The following IGSF5 variants were observed in gnomAD, a reference collection of about 807,000 sequenced individuals.
IGSF5 encodes the protein immunoglobulin superfamily 5 like.
Under a neutral mutation model 39.4 loss-of-function variants are expected in IGSF5, and 41 were observed. That is an observed-to-expected ratio of 1.04 (90% CI 0.81 to 1.35). IGSF5 has a LOEUF of 1.35. Among genes scored for constraint, IGSF5 ranks in the 40% most tolerant of loss-of-function variants. IGSF5 has a pLI of 0.00. For synonymous variants in IGSF5, 183 were observed against 175.3 expected (o/e 1.04, Z -0.34); for missense variants, 487 against 494.6 (o/e 0.98, Z 0.15).
intron 5 of IGSF5, among the ~76,000 whole-genome samples, chr21:39,783,695 T>C (rs1017708337): frequency 1.3e-5 from 2 of 152,252 alleles, no homozygotes; most frequent in African/African-American, 4.8e-5. Flanking sequence ...TGATTGTTTC[T>C]TTTGCTGTGC....
intron 4 of IGSF5, among the ~76,000 whole-genome samples, chr21:39,776,763 G>A (rs1345088890): frequency 6.6e-6 from 1 of 152,226 alleles, no homozygotes; most frequent in Non-Finnish European, 1.5e-5. Flanking sequence ...GGGAAGGAAA[G>A]TACTGATAGA....
intron 1 of IGSF5, 95 bp downstream of exon 1, chr21:39,745,621 C>T: frequency 1.5e-6 from 1 of 688,778 alleles, no homozygotes; most frequent in Non-Finnish European, 2.7e-6. Flanking sequence ...CGACAGCTTT[C>T]TGCCTCTAGT....
At chr21:39,784,333 T>A (rs546814181) in intron 5 of IGSF5, among the ~76,000 whole-genome samples, 1 of 152,310 alleles carries the variant, frequency 6.6e-6, no homozygotes, top group East Asian at 1.9e-4. Context: ...GTGGAGTAGT[T>A]GGAGAAATTC....
At chr21:39,752,824 T>G (rs2080012074) in intron 2 of IGSF5, among the ~76,000 whole-genome samples, 2 of 152,242 alleles carry the variant, frequency 1.3e-5, no homozygotes, top group Admixed American at 1.3e-4. Context: ...TCATGTTCTT[T>G]GCCCACTTTT....
intron 5 of IGSF5, among the ~76,000 whole-genome samples, chr21:39,784,175 C>T (rs2080185292): frequency 6.6e-6 from 1 of 152,150 alleles, no homozygotes; most frequent in South Asian, 2.1e-4. Flanking sequence ...TTGTTTTTAC[C>T]TGGGAATTAT....
chr21:39,737,700 C>G, the IGSF5 span, among the ~76,000 whole-genome samples: 1 of 152,228 alleles, frequency 6.6e-6, no homozygotes. Context: ...CCAGGAACCT[C>G]CATGTGTTCC....
chr21:39,800,982 A>G (rs367557715), intron 8 of IGSF5, among the ~76,000 whole-genome samples: 1 of 152,276 alleles, frequency 6.6e-6, no homozygotes, highest in East Asian at 1.9e-4. Context: ...TCCTTAGGAA[A>G]ATTGAAACAC....
chr21:39,732,927 G>A, the IGSF5 span, among the ~76,000 whole-genome samples: 68 of 152,174 alleles, frequency 4.5e-4, no homozygotes, highest in African/African-American at 1.6e-3. Context: ...TTGGGAGGGT[G>A]AGGTGGGAGG....
chr21:39,781,876 T>C (rs56955296), intron 5 of IGSF5, among the ~76,000 whole-genome samples: 13,329 of 152,240 alleles, frequency 0.088, 634 homozygotes, highest in South Asian at 0.16. Flanking sequence ...ATTCTTTTGA[T>C]GTTAGGACCG....
intron 5 of IGSF5, among the ~76,000 whole-genome samples, chr21:39,782,524 C>A (rs1005252732): frequency 6.6e-6 from 1 of 152,118 alleles, no homozygotes; most frequent in Admixed American, 6.5e-5. Flanking sequence ...ATTCCCGCTT[C>A]CCCCCAGTCC....
At chr21:39,800,376 C>A (rs957138923) in intron 8 of IGSF5, among the ~76,000 whole-genome samples, 1 of 151,280 alleles carries the variant, frequency 6.6e-6, no homozygotes, top group Admixed American at 6.6e-5. Context: ...AACAGAAATA[C>A]ATACTTGATA....
the IGSF5 span, among the ~76,000 whole-genome samples, chr21:39,722,223 G>T: frequency 5.3e-5 from 8 of 152,202 alleles, no homozygotes; most frequent in African/African-American, 1.7e-4. Context: ...AAGAGACAAA[G>T]GGAAGAGCAC....
intron 4 of IGSF5, among the ~76,000 whole-genome samples, chr21:39,771,479 C>T (rs2080114760): frequency 6.6e-6 from 1 of 152,106 alleles, no homozygotes; most frequent in African/African-American, 2.4e-5. Context: ...CATCAAAGAG[C>T]ATCAAGTTTG....
At chr21:39,749,334 T>C (rs1232701336) in intron 2 of IGSF5, among the ~76,000 whole-genome samples, 3 of 151,630 alleles carry the variant, frequency 2.0e-5, no homozygotes, top group Non-Finnish European at 4.4e-5. Flanking sequence ...TGCCTCAGCC[T>C]CCCGAGTAGC....
chr21:39,776,523 T>C (rs2080141860), intron 4 of IGSF5, among the ~76,000 whole-genome samples: 2 of 152,178 alleles, frequency 1.3e-5, no homozygotes, highest in African/African-American at 4.8e-5. Flanking sequence ...ACTTTGTGGT[T>C]AAATTAAGGG....
the IGSF5 span, among the ~76,000 whole-genome samples, chr21:39,726,397 G>A: frequency 6.6e-6 from 1 of 152,198 alleles, no homozygotes; most frequent in African/African-American, 2.4e-5. Flanking sequence ...TGGATGGGCT[G>A]CTTGGAGTGC....
the IGSF5 span, among the ~76,000 whole-genome samples, chr21:39,724,460 TC>T: frequency 1.3e-5 from 2 of 151,684 alleles, no homozygotes; most frequent in African/African-American, 4.9e-5. Flanking sequence ...ATGGGGGAGG[TC>T]TTTCCTGTGC....
chr21:39,771,169 C>T lies in IGSF5; in HGVS notation c.672C>T (p.Ala224=). 6.2e-7 allele frequency: 1 copy of T among 1,600,624 alleles called. No individual in the cohort carries two copies. Among genetic ancestry groups the T allele is most frequent in the Non-Finnish European group, 8.5e-7 (1 of 1,171,858 alleles). The part of the protein sequence containing the change: ...TCVATWKSLK[A]RKSATVNLTV... ...TGGCTACCTGGAAGAGCCTGAAGGC[C>T]CGCAAGTCTGCAACTGTAAATCTCA... The change falls in exon 4 of 9, where the codon GCC becomes GCT. Residue 224 remains alanine, a synonymous_variant. Transcript: ENST00000380588.
chr21:39,732,942 C>G, the IGSF5 span, among the ~76,000 whole-genome samples: 1 of 152,072 alleles, frequency 6.6e-6, no homozygotes, highest in African/African-American at 2.4e-5. Context: ...GGGAGGATCA[C>G]TTGAGCCTGG....
Sources: gnomAD v4.1 joint callset for allele counts (sites outside exome capture counted in the v4.1 genomes callset) on GRCh38, gnomAD v4.1.1 for gene constraint, MANE v1.5 for transcripts, NCBI Gene and HGNC (gene_info 2026-07-23, HGNC 2026-07-21) for gene names.